SLC16A1: variants seen among roughly 807,000 people sequenced by gnomAD.
SLC16A1 encodes monocarboxylate transporter 1.
In SLC16A1, 11 loss-of-function variants were observed where a neutral mutation model predicts 32.2. The ratio of observed to expected loss-of-function variants is 0.34; its 90% CI spans 0.21 to 0.56. SLC16A1 has a LOEUF of 0.56. SLC16A1 is among the 20% of genes least tolerant of loss of function. The pLI is 0.87. For synonymous variants in SLC16A1, 231 were observed against 226.8 expected, an observed-to-expected ratio of 1.02 and a Z score of -0.17; for missense variants, 435 against 615.0, an observed-to-expected ratio of 0.71 and a Z score of 3.10.
chr1:112,917,935 G>A lies in SLC16A1; in HGVS notation c.471C>T (p.Phe157=). Residue 157 remains phenylalanine, a synonymous_variant, in exon 4 of 5, where the codon TTC becomes TTT. Coordinates refer to ENST00000369626, the MANE Select transcript of SLC16A1 (RefSeq NM_003051.4). The surrounding 1 kb of genome is among the most constrained non-coding windows in gnomAD (Gnocchi z 4.1). ...GATTGAGGGGGGCCAGAGTACAGAGGAACACAGGGCTGCCTGCCATGGCCA... is the reference window on the plus strand; with the variant it reads ...GATTGAGGGGGGCCAGAGTACAGAGAAACACAGGGCTGCCTGCCATGGCCA... ...NGLAMAGSPV[F]LCTLAPLNQV... 6.3e-7 allele frequency: 1 copy of A among 1,599,180 alleles called. No individual in the cohort carries two copies. Among genetic ancestry groups the A allele is most frequent in the Non-Finnish European group, 8.5e-7 (1 of 1,175,458 alleles).
chr1:112,940,039 ATTTTTTT>A lies in SLC16A1; in HGVS notation c.-44-10694_-44-10688del, dbSNP rs55864843. ...ATACTACACCAAAACCTGATGGGTG[ATTTTTTT>A]TTTTTTTTTTTTTTTTTTAAAGACA... On this transcript the variant is annotated intron_variant, in intron 1 of 4. Coordinates refer to ENST00000369626, the MANE Select transcript of SLC16A1 (RefSeq NM_003051.4). Among the ~76,000 whole-genome samples the A allele has an allele frequency of 2.4e-4, 26 of 108,610 alleles. No homozygotes were observed. The South Asian group carries it at 3.2e-3, about 13-fold the overall frequency. The allele number at this position is 108,610 out of a possible 152,430, so 71.3% of individuals were successfully genotyped here.
At chr1:112,943,195 T>C (rs1649569594) in intron 1 of SLC16A1, among the ~76,000 whole-genome samples, 1 of 152,202 alleles carries the variant, frequency 6.6e-6, no homozygotes, top group Non-Finnish European at 1.5e-5. Context: ...TCAGTACAAC[T>C]TTTTTCAAAA....
Position 112,914,103 on chromosome 1 carries a change from T to C in SLC16A1, c.1291A>G (p.Ile431Val), listed in dbSNP as rs756631606. Reference sequence around the variant, plus strand: ...ATGAAGAGATAGATACCTGAAATAATTAGGACGACGCCACATGCCCAGTAT... The same window carrying C: ...ATGAAGAGATAGATACCTGAAATAACTAGGACGACGCCACATGCCCAGTAT... ...YTYWACGVVL[I>V]ISGIYLFIGM... Residue 431 changes from isoleucine (I) to valine (V), a missense_variant, in exon 5 of 5, where the codon ATT becomes GTT. Physicochemically the swap from Ile to Val is conservative, Grantham distance 29. Coordinates refer to ENST00000369626, the MANE Select transcript of SLC16A1 (RefSeq NM_003051.4). 6.2e-7 allele frequency: 1 copy of C among 1,614,102 alleles called. No individual in the cohort carries two copies. The highest frequency in any genetic ancestry group is 1.3e-5 in the African/African-American group (1 of 74,936).
chr1:112,945,153 C>T (rs745885126), intron 1 of SLC16A1, among the ~76,000 whole-genome samples: 3 of 151,888 alleles, frequency 2.0e-5, no homozygotes, highest in Non-Finnish European at 4.4e-5. Flanking sequence ...TGCCTGCCAC[C>T]GTGCCTGCCT....
chr1:112,917,059 A>G lies in SLC16A1; in HGVS notation c.1228+119T>C. ...AGCATTGTCCCAGCATCAAGGGTAC[A>G]TAAATGAGAAAGATTTATTCTTACC... is the stretch of plus-strand genomic sequence containing the variant. On this transcript the variant is annotated intron_variant, in intron 4 of 4. Transcript: ENST00000369626. The surrounding 1 kb of genome is among the most constrained non-coding windows in gnomAD (Gnocchi z 4.1). 7.8e-7 allele frequency: 1 copy of G among 1,274,196 alleles called. No individual in the cohort carries two copies. Among genetic ancestry groups the G allele is most frequent in the Non-Finnish European group, 1.1e-6 (1 of 895,958 alleles). 78.9% of individuals were successfully genotyped at this position (1,274,196 alleles called of 1,614,324 possible). A position where few individuals can be genotyped will look rare whatever the true frequency, so the allele number is the denominator to read the frequency against.
chr1:112,941,539 T>A (rs1302345760), intron 1 of SLC16A1, among the ~76,000 whole-genome samples: 1 of 152,206 alleles, frequency 6.6e-6, no homozygotes, highest in Non-Finnish European at 1.5e-5. Flanking sequence ...TGCCTTGGCC[T>A]CCCAAAGTGC....
At chr1:112,935,252 TAAAAATAC>T (rs1333977718) in intron 1 of SLC16A1, among the ~76,000 whole-genome samples, 1 of 151,720 alleles carries the variant, frequency 6.6e-6, no homozygotes, top group Admixed American at 6.6e-5. Flanking sequence ...CCATCTCTAC[TAAAAATAC>T]AAAAATTAGC....
intron 1 of SLC16A1, among the ~76,000 whole-genome samples, chr1:112,947,993 C>A (rs1014291537): frequency 2.6e-5 from 4 of 152,034 alleles, no homozygotes; most frequent in Non-Finnish European, 5.9e-5. Flanking sequence ...CCAAGGTGGG[C>A]GGATCACCTG....
chr1:112,936,215 T>TTAGAAAA (rs61281225), intron 1 of SLC16A1, among the ~76,000 whole-genome samples: 98,549 of 151,184 alleles, frequency 0.65, 33,438 homozygotes, highest in African/African-American at 0.86. Context: ...TAATTCTAAC[T>TTAGAAAA]TAGAGAAGGC....
At chr1:112,928,355 C>T (rs1195607643) in intron 2 of SLC16A1, among the ~76,000 whole-genome samples, 1 of 152,204 alleles carries the variant, frequency 6.6e-6, no homozygotes, top group African/African-American at 2.4e-5. Context: ...ACTCACAATA[C>T]CTAGCCCAGT....
chr1:112,941,677 G>A lies in SLC16A1; in HGVS notation c.-44-12325C>T, dbSNP rs1160598340. Among the ~76,000 whole-genome samples, 5 of 152,136 alleles carry A rather than the reference G, an allele frequency of 3.3e-5. No homozygotes were observed. The East Asian group carries it at 7.7e-4, about 23-fold the overall frequency. Reference sequence around the variant, plus strand: ...AAAGTTTTTCCTAACAAGAAAGCTCGCAATGCACACTTGTCAGGAGTCTAC... The same window carrying A: ...AAAGTTTTTCCTAACAAGAAAGCTCACAATGCACACTTGTCAGGAGTCTAC... On this transcript the variant is annotated intron_variant, in intron 1 of 4. Transcript: ENST00000369626.
At chr1:112,920,479 G>A (rs1485904459) in intron 3 of SLC16A1, among the ~76,000 whole-genome samples, 1 of 152,142 alleles carries the variant, frequency 6.6e-6, no homozygotes, top group East Asian at 1.9e-4. Context: ...GGTAGCGGGC[G>A]CCTGTAATCC....
intron 4 of SLC16A1, among the ~76,000 whole-genome samples, chr1:112,916,680 A>G (rs1442696656): frequency 1.3e-5 from 2 of 152,126 alleles, no homozygotes; most frequent in Non-Finnish European, 2.9e-5. Flanking sequence ...CCTGTTACCC[A>G]GCACTTTGGG....
At chr1:112,924,361 G>T in intron 2 of SLC16A1, 1 of 1,257,432 alleles carries the variant, frequency 8.0e-7, no homozygotes, top group South Asian at 1.2e-5. Context: ...CGTTTCTCAG[G>T]TTGCCCAAGG....
At chr1:112,923,556 G>A (rs2101627931) in intron 2 of SLC16A1, 1 of 1,237,584 alleles carries the variant, frequency 8.1e-7, no homozygotes. Flanking sequence ...GACCATCCTG[G>A]GTGGCCTGAA....
At chr1:112,939,819 A>T (rs1468989527) in intron 1 of SLC16A1, among the ~76,000 whole-genome samples, 4 of 152,056 alleles carry the variant, frequency 2.6e-5, no homozygotes, top group Non-Finnish European at 5.9e-5. Context: ...TCAGCTTTTT[A>T]AAATGAGTTA....
chr1:112,913,581 C>A lies in SLC16A1; in HGVS notation c.*310G>T. 2.9e-6 allele frequency: 1 copy of A among 341,238 alleles called. No homozygotes were observed. The highest frequency in any genetic ancestry group is 5.4e-6 in the Non-Finnish European group (1 of 184,138). 21.1% of individuals were successfully genotyped at this position (341,238 alleles called of 1,614,324 possible). A position where few individuals can be genotyped will look rare whatever the true frequency, so the allele number is the denominator to read the frequency against. On this transcript the variant is annotated 3_prime_UTR_variant, in exon 5 of 5. Coordinates refer to ENST00000369626, the MANE Select transcript of SLC16A1 (RefSeq NM_003051.4). ...AAAAATGGTTTAAGAAGTTAAGGCT[C>A]TCTAGAGTTCTAAAGACTAAAACTT...
rs11102564 is a variant in SLC16A1, at chr1:112,921,694, C to T, written c.361+296G>A. Among the ~76,000 whole-genome samples the T allele has an allele frequency of 5.6e-3, 855 of 152,262 alleles. 10 individuals carry two copies. Among genetic ancestry groups the T allele is most frequent in the African/African-American group, 0.019 (795 of 41,548 alleles). On this transcript the variant is annotated intron_variant, in intron 3 of 4. Coordinates refer to ENST00000369626, the MANE Select transcript of SLC16A1 (RefSeq NM_003051.4). ...GGACATTCTATCAAATTGCCACTCTCGCACCAAGTTGCCACACACATTGTA... is the reference window on the plus strand; with the variant it reads ...GGACATTCTATCAAATTGCCACTCTTGCACCAAGTTGCCACACACATTGTA...
chr1:112,949,689 T>C (rs940833596), intron 1 of SLC16A1, among the ~76,000 whole-genome samples: 1 of 152,088 alleles, frequency 6.6e-6, no homozygotes, highest in African/African-American at 2.4e-5. Context: ...TTTTCTTTTT[T>C]TAATATAATT....
Sources: gnomAD v4.1 joint callset for allele counts (sites outside exome capture counted in the v4.1 genomes callset) on GRCh38, gnomAD v4.1.1 for gene constraint, Gnocchi (gnomAD v3.1) non-coding constraint, MANE v1.5 for transcripts, NCBI Gene and HGNC (gene_info 2026-07-23, HGNC 2026-07-21) for gene names.